The following SSBP3 variants were observed in gnomAD, a reference collection of about 807,000 sequenced individuals.
SSBP3 encodes single-stranded DNA-binding protein 3.
Under a neutral mutation model 69.6 loss-of-function variants are expected in SSBP3, and 5 were observed. The observed-to-expected ratio is 0.07, with a 90% CI of 0.04 to 0.15. SSBP3 has a LOEUF of 0.15. Among genes scored for constraint, SSBP3 ranks in the 10% least tolerant of loss-of-function variants. SSBP3 has a pLI of 1.00. For synonymous variants in SSBP3, 196 were observed against 193.4 expected (o/e 1.01, Z -0.11); for missense variants, 312 against 534.0 (o/e 0.58, Z 4.10).
intron 4 of SSBP3, among the ~76,000 whole-genome samples, chr1:54,394,682 C>CG (rs1648731265): frequency 6.8e-6 from 1 of 147,828 alleles, no homozygotes; most frequent in Admixed American, 6.7e-5. Context: ...AGCTCACTGT[C>CG]TCCTTAAGAC....
intron 4 of SSBP3, among the ~76,000 whole-genome samples, chr1:54,365,929 C>T (rs1190174858): frequency 6.6e-6 from 1 of 152,168 alleles, no homozygotes; most frequent in African/African-American, 2.4e-5. Flanking sequence ...TCCTTAACCT[C>T]TCTCTGCCTA....
At chr1:54,412,268 G>T (rs1183105739) in intron 1 of SSBP3, among the ~76,000 whole-genome samples, 1 of 152,116 alleles carries the variant, frequency 6.6e-6, no homozygotes, top group Non-Finnish European at 1.5e-5. Flanking sequence ...GGTGGAGATT[G>T]CAGTGAGCCG....
At chr1:54,342,252 T>G (rs745392334) in intron 4 of SSBP3, among the ~76,000 whole-genome samples, 1 of 152,272 alleles carries the variant, frequency 6.6e-6, no homozygotes, top group Non-Finnish European at 1.5e-5. Flanking sequence ...CCAAAGGGTT[T>G]GCTCCACTCC....
Position 54,228,373 on chromosome 1 carries a change from G to A in SSBP3, c.1036-17C>T, listed in dbSNP as rs1353240587. 6.2e-7 allele frequency: 1 copy of A among 1,614,146 alleles called. No individual in the cohort carries two copies. On this transcript the variant is annotated splice_polypyrimidine_tract_variant and intron_variant, in intron 16 of 17. Transcript: ENST00000610401. The stretch of plus-strand genomic sequence containing the variant: ...AGGAGAATTCTGTGGAAAGAGGAGA[G>A]GAGGTGAGCACCTGTGTCCCCAACA...
chr1:54,406,235 T>A (rs1649761022), exon 1 of SSBP3: 1 of 375,508 alleles, frequency 2.7e-6, no homozygotes, highest in Non-Finnish European at 4.6e-6. Flanking sequence ...CCCATCGCCC[T>A]GGAACTCCTT....
chr1:54,370,525 A>C (rs1004567468), intron 4 of SSBP3, among the ~76,000 whole-genome samples: 2 of 152,202 alleles, frequency 1.3e-5, no homozygotes, highest in Non-Finnish European at 2.9e-5. Context: ...ACTAGCCTTC[A>C]GATTGGATTT....
At chr1:54,253,625 T>C (rs1050112264) in intron 7 of SSBP3, among the ~76,000 whole-genome samples, 2 of 152,220 alleles carry the variant, frequency 1.3e-5, no homozygotes, top group African/African-American at 4.8e-5. Context: ...CCAGGTTCCC[T>C]AGCTCTGAAT....
intron 4 of SSBP3, among the ~76,000 whole-genome samples, chr1:54,295,961 A>C (rs965594261): frequency 6.6e-6 from 1 of 152,226 alleles, no homozygotes; most frequent in Non-Finnish European, 1.5e-5. Flanking sequence ...ATATAGACAA[A>C]GGTTATCTCC....
At chr1:54,404,820 G>GT (rs1553151451) in intron 2 of SSBP3, 38 bp downstream of exon 2, 2 of 1,014,864 alleles carry the variant, frequency 2.0e-6, no homozygotes, top group South Asian at 2.8e-5. Flanking sequence ...GGGGGGGGGG[G>GT]TGTCAAGAAA....
chr1:54,249,311 TAG>T (rs1206385838), intron 9 of SSBP3, among the ~76,000 whole-genome samples: 1 of 152,212 alleles, frequency 6.6e-6, no homozygotes, highest in African/African-American at 2.4e-5. Flanking sequence ...CCCAAGCAAC[TAG>T]AGGTCTTAAC....
intron 4 of SSBP3, among the ~76,000 whole-genome samples, chr1:54,350,384 C>T (rs1045238041): frequency 2.6e-5 from 4 of 152,188 alleles, no homozygotes; most frequent in Non-Finnish European, 4.4e-5. Flanking sequence ...CTTTCTCATC[C>T]GTGGAAGAGG....
chr1:54,319,180 A>ATCCT (rs1646169496), intron 4 of SSBP3, among the ~76,000 whole-genome samples: 1 of 152,176 alleles, frequency 6.6e-6, no homozygotes, highest in Non-Finnish European at 1.5e-5. Flanking sequence ...GTGAGGAAGT[A>ATCCT]TCCTTATCCG....
chr1:54,246,197 T>C (rs1406496286), intron 9 of SSBP3, among the ~76,000 whole-genome samples: 3 of 152,162 alleles, frequency 2.0e-5, no homozygotes, highest in Non-Finnish European at 4.4e-5. Flanking sequence ...TGTGCACTGA[T>C]TTGGGACGTC....
At chr1:54,262,427 G>A (rs1645032295) in intron 5 of SSBP3, among the ~76,000 whole-genome samples, 1 of 152,114 alleles carries the variant, frequency 6.6e-6, no homozygotes, top group African/African-American at 2.4e-5. Flanking sequence ...GAAAGCAAAG[G>A]GCAAAGTGGA....
At chr1:54,310,239 G>A (rs1181780491) in intron 4 of SSBP3, among the ~76,000 whole-genome samples, 10 of 152,176 alleles carry the variant, frequency 6.6e-5, no homozygotes, top group Non-Finnish European at 1.3e-4. Flanking sequence ...CCCTCTCTGG[G>A]ATGATTCTTC....
chr1:54,325,744 G>T (rs1478467634), intron 4 of SSBP3, among the ~76,000 whole-genome samples: 1 of 152,152 alleles, frequency 6.6e-6, no homozygotes, highest in Non-Finnish European at 1.5e-5. Flanking sequence ...GTTCGAAAAG[G>T]ATTTTGAATT....
intron 4 of SSBP3, among the ~76,000 whole-genome samples, chr1:54,339,291 T>C (rs1050761055): frequency 3.3e-5 from 5 of 152,212 alleles, no homozygotes; most frequent in African/African-American, 4.8e-5. Context: ...AAAGCACTTA[T>C]TGAGGATAAT....
At chr1:54,356,995 C>T (rs1417915623) in intron 4 of SSBP3, among the ~76,000 whole-genome samples, 1 of 151,998 alleles carries the variant, frequency 6.6e-6, no homozygotes, top group Non-Finnish European at 1.5e-5. Flanking sequence ...GAGCCCCTCA[C>T]CTCACTCCAC....
At chr1:54,289,023 A>C (rs1645547599) in intron 4 of SSBP3, among the ~76,000 whole-genome samples, 1 of 85,600 alleles carries the variant, frequency 1.2e-5, no homozygotes, top group African/African-American at 7.6e-5. Context: ...CTGTCTCCAA[A>C]AAAAAAAAAA....
Sources: gnomAD v4.1 joint callset for allele counts (sites outside exome capture counted in the v4.1 genomes callset) on GRCh38, gnomAD v4.1.1 for gene constraint, MANE v1.5 for transcripts, NCBI Gene and HGNC (gene_info 2026-07-23, HGNC 2026-07-21) for gene names.